PDE1A: variants seen among roughly 807,000 people sequenced by gnomAD.
The protein encoded by PDE1A is dual specificity calcium/calmodulin-dependent 3',5'-cyclic nucleotide phosphodiesterase 1A.
A neutral mutation model predicts 61.7 loss-of-function variants in PDE1A; 35 were observed. That is an observed-to-expected ratio of 0.57 (90% CI 0.43 to 0.75). PDE1A has a LOEUF of 0.75. Ranked by LOEUF, PDE1A falls within the 30% of genes least tolerant of loss-of-function variation. The pLI is 0.00. For missense variants in PDE1A, 597 were observed against 630.6 expected, an observed-to-expected ratio of 0.95 and a Z score of 0.57; for synonymous variants, 232 against 213.2, an observed-to-expected ratio of 1.09 and a Z score of -0.77.
intron 1 of PDE1A, among the ~76,000 whole-genome samples, chr2:182,330,728 T>C (rs758113190): frequency 6.6e-6 from 1 of 152,118 alleles, no homozygotes. Context: ...CCAAACATAG[T>C]CATCTGATTT....
At chr2:182,471,713 CAAGA>C (rs1687039240) in intron 2 of PDE1A, among the ~76,000 whole-genome samples, 1 of 151,674 alleles carries the variant, frequency 6.6e-6, no homozygotes. Flanking sequence ...TGAATGTCAA[CAAGA>C]AAGTCAATGG....
intron 13 of PDE1A, among the ~76,000 whole-genome samples, chr2:182,160,821 C>G (rs1204704138): frequency 1.3e-5 from 2 of 152,152 alleles, no homozygotes; most frequent in Non-Finnish European, 2.9e-5. Flanking sequence ...CTGGAGAACC[C>G]TAATACAGAC....
chr2:182,239,839 CA>C (rs1292289792), intron 3 of PDE1A, among the ~76,000 whole-genome samples: 2 of 152,144 alleles, frequency 1.3e-5, no homozygotes, highest in African/African-American at 4.8e-5. Flanking sequence ...CAGTTGTTCA[CA>C]AAGGTTCATT....
intron 2 of PDE1A, among the ~76,000 whole-genome samples, chr2:182,490,772 C>A (rs900753580): frequency 1.3e-5 from 2 of 152,128 alleles, no homozygotes; most frequent in Non-Finnish European, 2.9e-5. Context: ...AAAGCAGGCA[C>A]AATTTTAAGA....
the PDE1A span, among the ~76,000 whole-genome samples, chr2:182,542,835 A>G: frequency 2.6e-5 from 4 of 152,226 alleles, no homozygotes; most frequent in Non-Finnish European, 5.9e-5. Flanking sequence ...CCAAAATCAT[A>G]TCTTTATCTC....
intron 8 of PDE1A, among the ~76,000 whole-genome samples, chr2:182,204,316 T>C (rs905440240): frequency 6.6e-6 from 1 of 152,220 alleles, no homozygotes; most frequent in African/African-American, 2.4e-5. Context: ...CTCTTTAAAA[T>C]TATTTCACAG....
At chr2:182,608,592 C>T in the PDE1A span, among the ~76,000 whole-genome samples, 2 of 152,216 alleles carry the variant, frequency 1.3e-5, no homozygotes, top group Non-Finnish European at 2.9e-5. Context: ...AGCACCTGGG[C>T]CAGCAGCTGC....
At chr2:182,514,033 T>C (rs1364464324) in intron 2 of PDE1A, among the ~76,000 whole-genome samples, 3 of 152,040 alleles carry the variant, frequency 2.0e-5, no homozygotes, top group African/African-American at 7.2e-5. Flanking sequence ...TATACACCAG[T>C]AACATCCAAG....
chr2:182,619,030 CAAAA>C, the PDE1A span, among the ~76,000 whole-genome samples: 2 of 103,280 alleles, frequency 1.9e-5, no homozygotes, highest in Admixed American at 1.0e-4. Context: ...GACTCCTCTG[CAAAA>C]AAAAAAAAAC....
At chr2:182,704,777 T>G in the PDE1A span, among the ~76,000 whole-genome samples, 1 of 152,208 alleles carries the variant, frequency 6.6e-6, no homozygotes, top group South Asian at 2.1e-4. Context: ...TACTGTGGTA[T>G]CACACAACAT....
intron 1 of PDE1A, among the ~76,000 whole-genome samples, chr2:182,392,753 G>T (rs1334479458): frequency 6.6e-6 from 1 of 152,270 alleles, no homozygotes; most frequent in Admixed American, 6.5e-5. Context: ...CAGGCCCCAT[G>T]CAAGTTTGAA....
chr2:182,353,798 A>C (rs1006042453), intron 1 of PDE1A, among the ~76,000 whole-genome samples: 13 of 152,132 alleles, frequency 8.5e-5, no homozygotes, highest in African/African-American at 2.9e-4. Context: ...ATTTCTGAGT[A>C]CCTAAATTCT....
the PDE1A span, among the ~76,000 whole-genome samples, chr2:182,656,133 T>G: frequency 2.0e-5 from 3 of 152,208 alleles, no homozygotes; most frequent in Admixed American, 6.5e-5. Flanking sequence ...TTCTACCTGT[T>G]GCAAGTGCAA....
chr2:182,152,571 C>A (rs1156992090), intron 13 of PDE1A, among the ~76,000 whole-genome samples: 18 of 151,958 alleles, frequency 1.2e-4, no homozygotes. Flanking sequence ...CAGGTACCTG[C>A]CACCAGGCCC....
At chr2:182,412,467 G>A (rs1301915361) in intron 1 of PDE1A, among the ~76,000 whole-genome samples, 1 of 152,150 alleles carries the variant, frequency 6.6e-6, no homozygotes, top group Non-Finnish European at 1.5e-5. Flanking sequence ...TCCATAATAT[G>A]GGGATACTAA....
At chr2:182,256,087 CT>C (rs535215724) in intron 2 of PDE1A, among the ~76,000 whole-genome samples, 1,528 of 51,992 alleles carry the variant, frequency 0.029, 27 homozygotes, top group South Asian at 0.17. Flanking sequence ...ATTTTTCTTT[CT>C]TTTTTTTTTA....
chr2:182,431,686 C>T (rs1371254590), upstream of PDE1A, among the ~76,000 whole-genome samples: 1 of 152,090 alleles, frequency 6.6e-6, no homozygotes, highest in African/African-American at 2.4e-5. Context: ...CTAGTAGATA[C>T]ATGATAGAGC....
At chr2:182,344,797 A>C (rs1158002991) in intron 1 of PDE1A, among the ~76,000 whole-genome samples, 1 of 151,902 alleles carries the variant, frequency 6.6e-6, no homozygotes. Context: ...ACACTCACAC[A>C]AAGATTTCAA....
At chr2:182,492,071 C>T (rs1688428896) in intron 2 of PDE1A, among the ~76,000 whole-genome samples, 1 of 152,102 alleles carries the variant, frequency 6.6e-6, no homozygotes, top group African/African-American at 2.4e-5. Flanking sequence ...TGATCATTTC[C>T]TATCATCTTG....
Sources: gnomAD v4.1 joint callset for allele counts (sites outside exome capture counted in the v4.1 genomes callset) on GRCh38, gnomAD v4.1.1 for gene constraint, MANE v1.5 for transcripts, NCBI Gene and HGNC (gene_info 2026-07-23, HGNC 2026-07-21) for gene names.